ST7: variants seen among roughly 807,000 people sequenced by gnomAD.
ST7 encodes the protein suppression of tumorigenicity 7.
A neutral mutation model predicts 78.7 loss-of-function variants in ST7; 28 were observed. That is an observed-to-expected ratio of 0.36 (90% CI 0.26 to 0.49). ST7 has a LOEUF of 0.49. Ranked by LOEUF, ST7 falls within the 20% of genes least tolerant of loss-of-function variation. ST7 has a pLI of 0.99. For missense variants in ST7, 418 were observed against 696.0 expected (o/e 0.60, Z 4.49); for synonymous variants, 247 against 249.6 (o/e 0.99, Z 0.10).
At chr7:117,210,435 A>G (rs1458122579) in intron 13 of ST7, among the ~76,000 whole-genome samples, 1 of 152,146 alleles carries the variant, frequency 6.6e-6, no homozygotes, top group Non-Finnish European at 1.5e-5. Context: ...GGTGTTTGCT[A>G]GGAGGTGTAG....
intron 1 of ST7, chr7:117,020,302 G>C (rs1196759979): frequency 2.3e-6 from 1 of 429,116 alleles, no homozygotes; most frequent in East Asian, 3.9e-5. Flanking sequence ...ACCTAGTCCA[G>C]CCTCACCGCA....
At chr7:117,021,403 T>C (rs1368844603) in intron 1 of ST7, among the ~76,000 whole-genome samples, 1 of 152,226 alleles carries the variant, frequency 6.6e-6, no homozygotes, top group South Asian at 2.1e-4. Flanking sequence ...TATTTTGTCA[T>C]TGTCTATTAG....
At chr7:117,166,149 A>C (rs1474194560) in intron 9 of ST7, among the ~76,000 whole-genome samples, 1 of 152,228 alleles carries the variant, frequency 6.6e-6, no homozygotes, top group African/African-American at 2.4e-5. Flanking sequence ...ATCAACTAGA[A>C]ATAACTGCTG....
rs369531523 is a variant in ST7, at chr7:116,953,705, G to A, written c.151+14G>A. On this transcript the variant is annotated intron_variant, in intron 1 of 15. Coordinates refer to ENST00000323984, the MANE Select transcript of ST7 (RefSeq NM_001369598.1). ...ACTTGAGCACAGGTAAGGCCTGGGA[G>A]CCGGGCCCGCGGCGCCCACCCCTCC... 2.0e-5 allele frequency: 28 copies of A among 1,435,282 alleles called. No individual in the cohort carries two copies. Among genetic ancestry groups the A allele is most frequent in the Admixed American group, 1.0e-4 (5 of 48,934 alleles). 88.9% of individuals were successfully genotyped at this position (1,435,282 alleles called of 1,614,324 possible). A position where few individuals can be genotyped will look rare whatever the true frequency, so the allele number is the denominator to read the frequency against.
intron 1 of ST7, among the ~76,000 whole-genome samples, chr7:117,062,654 A>G (rs1798419344): frequency 1.3e-5 from 2 of 152,236 alleles, no homozygotes. Context: ...CAATAAATTT[A>G]TGAGGTCTCC....
intron 1 of ST7, among the ~76,000 whole-genome samples, chr7:117,011,071 T>A (rs1345456259): frequency 1.3e-5 from 2 of 152,208 alleles, no homozygotes; most frequent in Admixed American, 1.3e-4. Flanking sequence ...CTAAGAGGTG[T>A]GACCCACCAG....
intron 1 of ST7, among the ~76,000 whole-genome samples, chr7:116,996,686 T>C (rs1794675002): frequency 6.6e-6 from 1 of 152,196 alleles, no homozygotes; most frequent in Non-Finnish European, 1.5e-5. Flanking sequence ...CTAGTCTGAT[T>C]TAAATATTTT....
chr7:116,973,003 T>TA, intron 1 of ST7: 1 of 722,310 alleles, frequency 1.4e-6, no homozygotes, highest in South Asian at 1.5e-5. Context: ...TTTATTCACT[T>TA]ATCCATTCAT....
intron 12 of ST7, among the ~76,000 whole-genome samples, chr7:117,206,217 G>A (rs1181268316): frequency 6.6e-6 from 1 of 152,184 alleles, no homozygotes; most frequent in Admixed American, 6.5e-5. Context: ...AGATGAGAAG[G>A]CAGAGTTGTT....
intron 2 of ST7, among the ~76,000 whole-genome samples, chr7:117,105,283 A>G (rs555119400): frequency 6.6e-6 from 1 of 152,312 alleles, no homozygotes; most frequent in East Asian, 1.9e-4. Context: ...TCTCAAAGAT[A>G]CAGAGTAGAT....
intron 9 of ST7, 57 bp downstream of exon 9, chr7:117,138,589 T>A: frequency 8.0e-7 from 1 of 1,252,102 alleles, no homozygotes; most frequent in Non-Finnish European, 1.1e-6. Flanking sequence ...GCCCGCTGAA[T>A]GGCCATAGCA....
At chr7:117,002,169 A>G (rs942095567) in intron 1 of ST7, among the ~76,000 whole-genome samples, 3 of 152,168 alleles carry the variant, frequency 2.0e-5, no homozygotes, top group Non-Finnish European at 2.9e-5. Flanking sequence ...TGGAGGTTGC[A>G]GTGAGCCGAG....
chr7:117,204,795 TTGTTTGTA>T (rs1004049710), intron 12 of ST7, among the ~76,000 whole-genome samples: 2 of 152,194 alleles, frequency 1.3e-5, no homozygotes, highest in African/African-American at 4.8e-5. Flanking sequence ...CAGTTATCTT[TTGTTTGTA>T]TGTTTGTGTG....
At chr7:116,959,154 A>T in intron 1 of ST7, 1 of 465,240 alleles carries the variant, frequency 2.1e-6, no homozygotes, top group Non-Finnish European at 4.4e-6. Flanking sequence ...TCATTTCAGC[A>T]ATGTTCACAG....
At chr7:117,050,142 G>C (rs1797701923) in intron 1 of ST7, among the ~76,000 whole-genome samples, 1 of 151,600 alleles carries the variant, frequency 6.6e-6, no homozygotes, top group Non-Finnish European at 1.5e-5. Context: ...TTGAACCCGG[G>C]ACGTGGAGGT....
intron 13 of ST7, among the ~76,000 whole-genome samples, chr7:117,210,426 G>C (rs935816215): frequency 6.6e-6 from 1 of 152,220 alleles, no homozygotes; most frequent in Non-Finnish European, 1.5e-5. Flanking sequence ...TTGAACCCTG[G>C]TGTTTGCTAG....
chr7:117,191,027 A>G (rs887237241), intron 12 of ST7, 91 bp downstream of exon 12: 2 of 1,023,102 alleles, frequency 2.0e-6, no homozygotes, highest in African/African-American at 3.2e-5. Flanking sequence ...CACCGCTTAT[A>G]AAAAAATGAA....
intron 1 of ST7, among the ~76,000 whole-genome samples, chr7:116,975,147 G>A (rs1411600795): frequency 6.6e-6 from 1 of 152,172 alleles, no homozygotes; most frequent in Middle Eastern, 3.2e-3. Context: ...AGTCATGGCA[G>A]AAGGCGAAGG....
intron 10 of ST7, among the ~76,000 whole-genome samples, chr7:117,174,625 T>C (rs1202977070): frequency 3.9e-5 from 6 of 152,186 alleles, no homozygotes; most frequent in Admixed American, 3.9e-4. Flanking sequence ...ACACTTACAC[T>C]CTTTCTGCTG....
Sources: allele counts gnomAD v4.1 joint callset (sites outside exome capture counted in the v4.1 genomes callset), GRCh38; gene constraint gnomAD v4.1.1; transcripts MANE v1.5; gene names NCBI Gene and HGNC (gene_info 2026-07-23, HGNC 2026-07-21).